SLC4A4: variants seen among roughly 807,000 people sequenced by gnomAD.
The protein encoded by SLC4A4 is solute carrier family 4 member 4.
SLC4A4 carries 27 observed loss-of-function variants against 111.5 expected under a neutral mutation model. The ratio of observed to expected loss-of-function variants is 0.24; its 90% CI spans 0.18 to 0.33. SLC4A4 has a LOEUF of 0.33. SLC4A4 is among the 10% of genes least tolerant of loss of function. SLC4A4 has a pLI of 1.00. For synonymous variants in SLC4A4, 443 were observed against 463.4 expected (o/e 0.96, Z 0.57); for missense variants, 909 against 1,315.5 (o/e 0.69, Z 4.78).
At chr4:71,120,897 C>A (rs545833408) in intron 2 of SLC4A4, among the ~76,000 whole-genome samples, 1 of 152,182 alleles carries the variant, frequency 6.6e-6, no homozygotes. Flanking sequence ...AGGCCGGAGC[C>A]GGCTCCCTCT....
intron 6 of SLC4A4, among the ~76,000 whole-genome samples, chr4:71,388,658 C>T (rs986418361): frequency 2.0e-5 from 3 of 152,132 alleles, no homozygotes; most frequent in African/African-American, 4.8e-5. Flanking sequence ...GTCCTCTCCC[C>T]GCCCCACTGC....
intron 3 of SLC4A4, among the ~76,000 whole-genome samples, chr4:71,309,821 C>T (rs1434733719): frequency 6.6e-6 from 1 of 151,950 alleles, no homozygotes; most frequent in African/African-American, 2.4e-5. Context: ...CAAAATGGGA[C>T]ACCGAATGAG....
intron 18 of SLC4A4, among the ~76,000 whole-genome samples, chr4:71,543,158 T>G (rs997255791): frequency 2.0e-5 from 3 of 152,044 alleles, no homozygotes; most frequent in African/African-American, 4.8e-5. Context: ...TTAGCAAGAA[T>G]TAGCTAAATG....
In SLC4A4 at chr4:71,084,964, C is replaced by T. The variant is rs376680798; in HGVS notation, c.-64-7766C>T. 1.5e-4 allele frequency among the ~76,000 whole-genome samples: 23 copies of T among 152,114 alleles called. No homozygotes were observed. The South Asian group carries it at 3.5e-3, about 23-fold the overall frequency. ...CAAATGGCATTGCTTGCTATAGATC[C>T]CTGAGGAATCGCCACACTAACTTCC... On this transcript the variant is annotated intron_variant, in intron 1 of 26. Transcript: ENST00000649996.
intron 16 of SLC4A4, among the ~76,000 whole-genome samples, chr4:71,523,456 A>G (rs1354989742): frequency 6.6e-6 from 1 of 152,198 alleles, no homozygotes; most frequent in Admixed American, 6.6e-5. Context: ...TTACAGACAT[A>G]TGACCAAAAA....
At chr4:71,090,565 G>A (rs945700802) in intron 1 of SLC4A4, among the ~76,000 whole-genome samples, 1 of 152,186 alleles carries the variant, frequency 6.6e-6, no homozygotes, top group Non-Finnish European at 1.5e-5. Flanking sequence ...ATCAGTTTGG[G>A]AAGGGGAGAC....
chr4:71,452,502 A>T, intron 11 of SLC4A4, among the ~76,000 whole-genome samples: 1 of 152,192 alleles, frequency 6.6e-6, no homozygotes, highest in East Asian at 1.9e-4. Flanking sequence ...GAGTGCGGCT[A>T]AGGTCCAGTG....
At chr4:71,257,291 G>A (rs1721520718) in intron 3 of SLC4A4, among the ~76,000 whole-genome samples, 1 of 152,144 alleles carries the variant, frequency 6.6e-6, no homozygotes, top group Non-Finnish European at 1.5e-5. Flanking sequence ...CAGTTGTTAA[G>A]GACTAAATTG....
At chr4:71,199,931 G>T (rs1474877605) in intron 1 of SLC4A4, among the ~76,000 whole-genome samples, 1 of 150,588 alleles carries the variant, frequency 6.6e-6, no homozygotes, top group South Asian at 2.1e-4. Flanking sequence ...GATTACAGGC[G>T]TGAACCACTG....
chr4:71,344,149 G>C (rs1437744882), intron 4 of SLC4A4, among the ~76,000 whole-genome samples: 2 of 152,028 alleles, frequency 1.3e-5, no homozygotes, highest in Non-Finnish European at 2.9e-5. Context: ...GAAATTTTCA[G>C]TTGTTTTGCC....
chr4:71,223,498 T>C (rs2149024960), intron 1 of SLC4A4, among the ~76,000 whole-genome samples: 1 of 152,318 alleles, frequency 6.6e-6, no homozygotes, highest in African/African-American at 2.4e-5. Context: ...TGCAGAGATC[T>C]GTGCTCAATC....
chr4:71,329,476 T>C lies in SLC4A4; in HGVS notation c.254-9894T>C, dbSNP rs1421643806. The stretch of plus-strand genomic sequence containing the variant: ...AACATGGAATATCTTTCCATTTTGT[T>C]ATGTCTTCAATTTCGTGCATCAATG... On this transcript the variant is annotated intron_variant, in intron 3 of 25. Transcript: ENST00000264485. 2.0e-5 allele frequency among the ~76,000 whole-genome samples: 3 copies of C among 152,232 alleles called. No homozygotes were observed. In the East Asian group the frequency reaches 5.8e-4, roughly 29 times the overall value.
chr4:71,362,911 C>G (rs762672521), intron 6 of SLC4A4, among the ~76,000 whole-genome samples: 1 of 152,124 alleles, frequency 6.6e-6, no homozygotes. Flanking sequence ...GTAGGCACCC[C>G]GGGCCTGCTC....
intron 3 of SLC4A4, among the ~76,000 whole-genome samples, chr4:71,323,292 G>A (rs1032910262): frequency 5.9e-5 from 9 of 152,004 alleles, no homozygotes; most frequent in African/African-American, 2.2e-4. Context: ...AACATTTAGT[G>A]TATGTCCTTC....
rs974352246 is a variant in SLC4A4 at position 71,328,997 on chromosome 4, T to C, written c.254-10373T>C. Among the ~76,000 whole-genome samples, 7 of 152,202 alleles carry C rather than the reference T, an allele frequency of 4.6e-5. No homozygotes were observed. The South Asian group carries it at 1.4e-3, about 32-fold the overall frequency. On this transcript the variant is annotated intron_variant, in intron 3 of 25. Coordinates refer to ENST00000264485, the MANE Select transcript of SLC4A4 (RefSeq NM_001098484.3). The stretch of plus-strand genomic sequence containing the variant: ...TCCATTTTGATTTGATTTTTGTATA[T>C]AGTGAGAGATAAGGGTCTAGTTTTA...
chr4:71,183,180 C>T (rs1287747496), upstream of SLC4A4, among the ~76,000 whole-genome samples: 1 of 152,136 alleles, frequency 6.6e-6, no homozygotes, highest in East Asian at 1.9e-4. Context: ...GATTGAATAA[C>T]CTGCCTTCCT....
chr4:71,340,665 G>A (rs767247301), intron 4 of SLC4A4, among the ~76,000 whole-genome samples: 2 of 152,104 alleles, frequency 1.3e-5, no homozygotes, highest in African/African-American at 2.4e-5. Context: ...TTGGAGTTTA[G>A]AGGCCCGAGT....
intron 3 of SLC4A4, among the ~76,000 whole-genome samples, chr4:71,322,491 G>A (rs1027773029): frequency 1.3e-5 from 2 of 152,090 alleles, no homozygotes; most frequent in Non-Finnish European, 1.5e-5. Context: ...AGTTGCACTC[G>A]AACAAATCTG....
chr4:71,151,885 AC>A (rs1440057142), intron 2 of SLC4A4, among the ~76,000 whole-genome samples: 1 of 151,692 alleles, frequency 6.6e-6, no homozygotes. Context: ...ACATGGTAAA[AC>A]CCCATCTCTA....
Sources: gnomAD v4.1 joint callset for allele counts (sites outside exome capture counted in the v4.1 genomes callset) on GRCh38, gnomAD v4.1.1 for gene constraint, MANE v1.5 for transcripts, NCBI Gene and HGNC (gene_info 2026-07-23, HGNC 2026-07-21) for gene names.